Variants in RGS6 observed in about 807,000 individuals in gnomAD.
RGS6 encodes regulator of G-protein signaling 6.
RGS6 carries 30 observed loss-of-function variants against 78.5 expected under a neutral mutation model. The observed-to-expected ratio is 0.38, with a 90% CI of 0.29 to 0.52. The LOEUF (loss-of-function observed/expected upper bound fraction) is 0.52, where lower values mean the gene tolerates loss of function less well. Ranked by LOEUF, RGS6 falls within the 20% of genes least tolerant of loss-of-function variation. The pLI, the probability that RGS6 is intolerant of heterozygous loss-of-function variation, is 0.85. For missense variants in RGS6, 495 were observed against 609.7 expected (o/e 0.81, Z 1.98); for synonymous variants, 206 against 206.0 (o/e 1.00, Z 0.00).
chr14:71,933,844 T>C (rs2088402727), intron 1 of RGS6, among the ~76,000 whole-genome samples: 1 of 152,192 alleles, frequency 6.6e-6, no homozygotes, highest in African/African-American at 2.4e-5. Context: ...CTGGACTTTC[T>C]TTCCAGGGAG....
chr14:72,076,739 C>T (rs910720447), intron 2 of RGS6, among the ~76,000 whole-genome samples: 1 of 151,932 alleles, frequency 6.6e-6, no homozygotes, highest in African/African-American at 2.4e-5. Flanking sequence ...CTATGTTGCC[C>T]AGGCTGGTTT....
chr14:72,139,354 A>T (rs759917829), intron 2 of RGS6, among the ~76,000 whole-genome samples: 18 of 152,206 alleles, frequency 1.2e-4, no homozygotes, highest in Non-Finnish European at 2.5e-4. Context: ...AGCCAGACAG[A>T]ACTGTTCCTT....
At chr14:72,528,910 G>A (rs1304466521) in intron 15 of RGS6, among the ~76,000 whole-genome samples, 3 of 152,222 alleles carry the variant, frequency 2.0e-5, no homozygotes, top group Non-Finnish European at 4.4e-5. Context: ...TAAATCAGCA[G>A]AGGTCACTGC....
At chr14:71,948,969 T>C (rs2091959645) in intron 1 of RGS6, among the ~76,000 whole-genome samples, 1 of 152,130 alleles carries the variant, frequency 6.6e-6, no homozygotes, top group African/African-American at 2.4e-5. Flanking sequence ...TGCACAACAT[T>C]GTTTGTGAAA....
intron 2 of RGS6, among the ~76,000 whole-genome samples, chr14:72,337,962 A>C (rs926065953): frequency 6.6e-6 from 1 of 152,214 alleles, no homozygotes; most frequent in Non-Finnish European, 1.5e-5. Context: ...CTTGGGGATG[A>C]AAAATAAGTT....
intron 2 of RGS6, among the ~76,000 whole-genome samples, chr14:72,139,624 T>C (rs2096507118): frequency 1.3e-5 from 2 of 152,220 alleles, no homozygotes; most frequent in South Asian, 4.1e-4. Flanking sequence ...TAAAGTTGTT[T>C]ATAGATAGAG....
At chr14:72,331,400 C>T (rs1263325889) in intron 2 of RGS6, among the ~76,000 whole-genome samples, 2 of 152,154 alleles carry the variant, frequency 1.3e-5, no homozygotes, top group African/African-American at 4.8e-5. Flanking sequence ...GGGTTAATGT[C>T]CCCTGCTTTA....
intron 3 of RGS6, among the ~76,000 whole-genome samples, chr14:72,368,351 C>T (rs2082816451): frequency 6.6e-6 from 1 of 152,168 alleles, no homozygotes; most frequent in South Asian, 2.1e-4. Flanking sequence ...ACTGAATCTA[C>T]CTCATGGAAC....
rs974743920 is a variant in RGS6, at chr14:72,355,490, A to G, written c.184+3296A>G. ...GGTTCTTTTTACAATATACTTGGTC[A>G]TTCATTTTTTTAAATTTATTCATTT... On this transcript the variant is annotated intron_variant, in intron 3 of 17. Transcript: ENST00000553525. Among the ~76,000 whole-genome samples, 9 of 152,216 alleles carry G rather than the reference A, an allele frequency of 5.9e-5. No homozygotes were observed. The South Asian group carries it at 8.3e-4, about 14-fold the overall frequency.
At chr14:72,050,924 T>G (rs1391221671) in intron 2 of RGS6, among the ~76,000 whole-genome samples, 6 of 148,202 alleles carry the variant, frequency 4.0e-5, no homozygotes. Flanking sequence ...GAGGGGCGAC[T>G]GGATTGTTTC....
chr14:72,041,415 A>G (rs979747802), intron 2 of RGS6, among the ~76,000 whole-genome samples: 2 of 152,212 alleles, frequency 1.3e-5, no homozygotes, highest in Non-Finnish European at 2.9e-5. Context: ...GTTCTCCGGT[A>G]CAGCAAGAAA....
chr14:72,472,325 A>G (rs2096105344), intron 8 of RGS6, among the ~76,000 whole-genome samples: 1 of 152,114 alleles, frequency 6.6e-6, no homozygotes. Flanking sequence ...ATCTTGTCTC[A>G]TTCTAGGGCC....
At chr14:72,027,660 A>G (rs1335351795) in intron 2 of RGS6, among the ~76,000 whole-genome samples, 1 of 152,332 alleles carries the variant, frequency 6.6e-6, no homozygotes, top group African/African-American at 2.4e-5. Flanking sequence ...TACAGAGTCT[A>G]GGGTCAGAGT....
At chr14:72,602,080 G>A in the RGS6 span, among the ~76,000 whole-genome samples, 6 of 152,200 alleles carry the variant, frequency 3.9e-5, no homozygotes, top group South Asian at 4.1e-4. Flanking sequence ...GCATTGCCTC[G>A]TTGAATCTTC....
At chr14:72,168,596 A>AT (rs1162365064) in intron 2 of RGS6, among the ~76,000 whole-genome samples, 31 of 152,372 alleles carry the variant, frequency 2.0e-4, no homozygotes, top group African/African-American at 7.2e-4. Context: ...TGTTTTGGAT[A>AT]TACTATTGGG....
At chr14:72,053,761 T>G (rs2093467281) in intron 2 of RGS6, among the ~76,000 whole-genome samples, 1 of 152,228 alleles carries the variant, frequency 6.6e-6, no homozygotes, top group South Asian at 2.1e-4. Flanking sequence ...GGAGAAATAT[T>G]CTCTTCAAAA....
chr14:72,548,651 G>C (rs558754876), intron 17 of RGS6, among the ~76,000 whole-genome samples: 77 of 152,236 alleles, frequency 5.1e-4, no homozygotes, highest in Non-Finnish European at 9.4e-4. Context: ...AGAGAGAAGA[G>C]CTAGAGAGAG....
chr14:72,179,277 G>A (rs955603220), intron 2 of RGS6, among the ~76,000 whole-genome samples: 3 of 152,314 alleles, frequency 2.0e-5, no homozygotes, highest in African/African-American at 7.2e-5. Context: ...TGCCCCAGGT[G>A]GGATGGGGCA....
intron 2 of RGS6, among the ~76,000 whole-genome samples, chr14:72,157,435 T>C (rs539847271): frequency 1.3e-5 from 2 of 152,302 alleles, no homozygotes; most frequent in South Asian, 4.2e-4. Flanking sequence ...AGAAAACCTG[T>C]TGCATGTCCC....
Sources: gnomAD v4.1 joint callset for allele counts (sites outside exome capture counted in the v4.1 genomes callset) on GRCh38, gnomAD v4.1.1 for gene constraint, MANE v1.5 for transcripts, NCBI Gene and HGNC (gene_info 2026-07-23, HGNC 2026-07-21) for gene names.